The following FAM171A1 variants were observed in gnomAD, a reference collection of about 807,000 sequenced individuals.
FAM171A1 encodes family with sequence similarity 171 member A1.
In FAM171A1, 23 loss-of-function variants were observed where a neutral mutation model predicts 74.9. That is an observed-to-expected ratio of 0.31 (90% CI 0.22 to 0.44). The LOEUF (loss-of-function observed/expected upper bound fraction) is 0.44, where lower values mean the gene tolerates loss of function less well. Among genes scored for constraint, FAM171A1 ranks in the 20% least tolerant of loss-of-function variants. The pLI is 1.00. For synonymous variants in FAM171A1, 527 were observed against 505.7 expected (o/e 1.04, Z -0.57); for missense variants, 1,162 against 1,159.2 (o/e 1.00, Z -0.03).
intron 6 of FAM171A1, among the ~76,000 whole-genome samples, chr10:15,218,771 A>AT (rs907755334): frequency 6.6e-6 from 1 of 151,888 alleles, no homozygotes; most frequent in Non-Finnish European, 1.5e-5. Context: ...ATTAAAAAAA[A>AT]TTTTTTTAGA....
intron 1 of FAM171A1, among the ~76,000 whole-genome samples, chr10:15,320,149 C>T (rs1465441220): frequency 6.6e-6 from 1 of 152,106 alleles, no homozygotes; most frequent in Non-Finnish European, 1.5e-5. Flanking sequence ...CAAGTAGGCC[C>T]CGGTGTCTCT....
intron 3 of FAM171A1, among the ~76,000 whole-genome samples, chr10:15,265,701 C>T (rs1462849418): frequency 6.8e-6 from 1 of 148,142 alleles, no homozygotes; most frequent in Admixed American, 6.8e-5. Context: ...CAATGAATTA[C>T]TCATTGGGTG....
At chr10:15,255,997 C>A (rs570774391) in intron 3 of FAM171A1, among the ~76,000 whole-genome samples, 1 of 151,810 alleles carries the variant, frequency 6.6e-6, no homozygotes, top group African/African-American at 2.4e-5. Flanking sequence ...CCTAATGCTG[C>A]GGTGATATTC....
intron 1 of FAM171A1, among the ~76,000 whole-genome samples, chr10:15,336,333 G>C (rs1418318619): frequency 1.3e-5 from 2 of 149,388 alleles, no homozygotes; most frequent in Non-Finnish European, 3.0e-5. Flanking sequence ...TTTTTTAAAA[G>C]GACCAAATAG....
chr10:15,356,370 AC>A (rs1231415729), intron 1 of FAM171A1, among the ~76,000 whole-genome samples: 2 of 152,166 alleles, frequency 1.3e-5, no homozygotes, highest in African/African-American at 4.8e-5. Flanking sequence ...ATAGAAAGAT[AC>A]AACCAATTTG....
chr10:15,248,492 G>A (rs1477333685), intron 5 of FAM171A1, 147 bp downstream of exon 5: 9 of 730,202 alleles, frequency 1.2e-5, no homozygotes, highest in Non-Finnish European at 1.8e-5. Context: ...GAAGGGTGCC[G>A]TCCCCATGAG....
intron 4 of FAM171A1, among the ~76,000 whole-genome samples, chr10:15,249,609 C>A (rs190370567): frequency 1.5e-4 from 23 of 152,170 alleles, no homozygotes; most frequent in African/African-American, 5.1e-4. Flanking sequence ...TTTAACATAG[C>A]AAATTTCTTC....
chr10:15,248,016 C>T (rs1834457361), intron 5 of FAM171A1, among the ~76,000 whole-genome samples: 1 of 152,150 alleles, frequency 6.6e-6, no homozygotes, highest in Admixed American at 6.6e-5. Context: ...AGACTCTGAG[C>T]CCTACCACCC....
intron 5 of FAM171A1, among the ~76,000 whole-genome samples, chr10:15,232,638 C>A (rs1009721540): frequency 6.6e-6 from 1 of 152,098 alleles, no homozygotes; most frequent in Admixed American, 6.6e-5. Context: ...TATCCCCAAA[C>A]GAACTGTATG....
chr10:15,335,243 C>CAAACA (rs1280040834), intron 1 of FAM171A1, among the ~76,000 whole-genome samples: 5 of 151,974 alleles, frequency 3.3e-5, no homozygotes, highest in South Asian at 2.1e-4. Flanking sequence ...GACCCTGTCT[C>CAAACA]AAACAAAACA....
intron 1 of FAM171A1, among the ~76,000 whole-genome samples, chr10:15,288,830 T>TTTTG (rs1554836630): frequency 1.5e-5 from 2 of 132,516 alleles, no homozygotes; most frequent in South Asian, 2.5e-4. Flanking sequence ...TTTTTTTTTT[T>TTTTG]TTTTTTTTTG....
rs547087765 is a variant in FAM171A1 at position 15,224,779 on chromosome 10, C to T, written c.755-3719G>A. 2.0e-5 allele frequency among the ~76,000 whole-genome samples: 3 copies of T among 152,162 alleles called. No individual in the cohort carries two copies. The South Asian group carries it at 6.2e-4, about 32-fold the overall frequency. On this transcript the variant is annotated intron_variant, in intron 5 of 7. Coordinates refer to ENST00000378116, the MANE Select transcript of FAM171A1 (RefSeq NM_001010924.2). ...CTGTGAGTCTATTAAACCTCTTTTT[C>T]TTTATAAATTTCCCAGTCTCAGGTA...
At chr10:15,289,340 T>C (rs1346809065) in intron 1 of FAM171A1, among the ~76,000 whole-genome samples, 4 of 152,136 alleles carry the variant, frequency 2.6e-5, no homozygotes, top group African/African-American at 9.7e-5. Flanking sequence ...GGTGCACTCT[T>C]TGCTGCTCAG....
In FAM171A1 at chr10:15,359,780, C is replaced by T. The variant is rs570550535; in HGVS notation, c.97+11176G>A. 1.4e-4 allele frequency among the ~76,000 whole-genome samples: 22 copies of T among 152,272 alleles called. No individual in the cohort carries two copies. The South Asian group carries it at 3.9e-3, about 27-fold the overall frequency. ...TGCAGGAGGCCTGGATGCACTCTTG[C>T]TGACTTGGCAATGGAAGGGGCAAGG... is the stretch of plus-strand genomic sequence containing the variant. On this transcript the variant is annotated intron_variant, in intron 1 of 7. Transcript: ENST00000378116.
At chr10:15,255,022 T>C (rs1834561559) in intron 3 of FAM171A1, 143 bp from the exon 4 acceptor site, 1 of 651,742 alleles carries the variant, frequency 1.5e-6, no homozygotes, top group Non-Finnish European at 2.6e-6. Context: ...CCCCCATTCA[T>C]GCAGGACACA....
rs868361104 is a variant in FAM171A1, at chr10:15,216,341, G to T, written c.872-231C>A. Among the ~76,000 whole-genome samples, 3 of 152,230 alleles carry T rather than the reference G, an allele frequency of 2.0e-5. No homozygotes were observed. In the South Asian group the frequency reaches 6.2e-4, roughly 31 times the overall value. On this transcript the variant is annotated intron_variant, in intron 6 of 7. Transcript: ENST00000378116. ...GCCAGGAGAACTTTGAATACTCAAA[G>T]ACAAGATGTGGTTACGTCAAGGGCC...
chr10:15,367,199 AAAACAAAC>A (rs139900551), intron 1 of FAM171A1, among the ~76,000 whole-genome samples: 5,530 of 151,540 alleles, frequency 0.036, 142 homozygotes, highest in African/African-American at 0.079. Context: ...ACTCCATCTC[AAAACAAAC>A]AAACAAACAA....
chr10:15,279,416 G>A (rs1371701929), intron 2 of FAM171A1, among the ~76,000 whole-genome samples: 1 of 152,296 alleles, frequency 6.6e-6, no homozygotes, highest in African/African-American at 2.4e-5. Flanking sequence ...TGCCCAGGTG[G>A]GTGAAGGCAG....
intron 1 of FAM171A1, among the ~76,000 whole-genome samples, chr10:15,369,051 C>T (rs1836100528): frequency 6.6e-6 from 1 of 152,096 alleles, no homozygotes; most frequent in East Asian, 1.9e-4. Flanking sequence ...CCACTCCAAC[C>T]ATACCCTAAA....
Sources: gnomAD v4.1 joint callset for allele counts (sites outside exome capture counted in the v4.1 genomes callset) on GRCh38, gnomAD v4.1.1 for gene constraint, MANE v1.5 for transcripts, NCBI Gene and HGNC (gene_info 2026-07-23, HGNC 2026-07-21) for gene names.